The following SHLD1 variants were observed in gnomAD, a reference collection of about 807,000 sequenced individuals.
SHLD1 encodes RINN1-REV7-interacting novel NHEJ regulator 3.
In SHLD1, 3 loss-of-function variants were observed where a neutral mutation model predicts 5.5. The observed-to-expected ratio is 0.54, with a 90% CI of 0.25 to 1.40. The LOEUF is 1.40. Ranked by LOEUF, SHLD1 falls within the 40% of genes most tolerant of loss-of-function variation. SHLD1 has a pLI of 0.15. For missense variants in SHLD1, 210 were observed against 244.4 expected (o/e 0.86, Z 0.94); for synonymous variants, 92 against 94.3 (o/e 0.98, Z 0.14).
At chr20:5,768,304 T>TA (rs201773425) in intron 1 of SHLD1, among the ~76,000 whole-genome samples, 2,440 of 152,288 alleles carry the variant, frequency 0.016, 64 homozygotes, top group African/African-American at 0.055. Context: ...AAACCCCTGA[T>TA]ACGCTGTGGC....
intron 1 of SHLD1, among the ~76,000 whole-genome samples, chr20:5,750,873 T>C (rs1211246131): frequency 6.6e-6 from 1 of 152,114 alleles, no homozygotes; most frequent in Non-Finnish European, 1.5e-5. Context: ...GGCATTCGCC[T>C]GTAGTTCCAG....
chr20:5,807,297 CTTCTT>C (rs1413019723), intron 2 of SHLD1, among the ~76,000 whole-genome samples: 5 of 151,986 alleles, frequency 3.3e-5, no homozygotes, highest in East Asian at 3.9e-4. Flanking sequence ...TTATTTTTTC[CTTCTT>C]TTCTTTTCAT....
At position 5,848,023 on chromosome 20, in the gene SHLD1, G is replaced by A. The variant is rs1254438473; in HGVS notation, c.179-15001G>A. 2.0e-5 allele frequency among the ~76,000 whole-genome samples: 3 copies of A among 152,154 alleles called. No individual in the cohort carries two copies. The East Asian group carries it at 5.8e-4, about 29-fold the overall frequency. On this transcript the variant is annotated intron_variant, in intron 2 of 2. Coordinates refer to ENST00000303142, the MANE Select transcript of SHLD1 (RefSeq NM_152504.4). Reference sequence around the variant, plus strand: ...CAGAAAAGAATGGATGAAAAATAATGTAGCATGTTCCTATATTAGAATACT... The same window carrying A: ...CAGAAAAGAATGGATGAAAAATAATATAGCATGTTCCTATATTAGAATACT...
At chr20:5,803,904 A>G (rs1350908586) in intron 2 of SHLD1, among the ~76,000 whole-genome samples, 1 of 150,334 alleles carries the variant, frequency 6.7e-6, no homozygotes, top group Middle Eastern at 3.2e-3. Context: ...AAAAAAACAA[A>G]ACAAGAATGA....
chr20:5,779,363 A>G (rs1388640960), intron 2 of SHLD1, among the ~76,000 whole-genome samples: 1 of 152,098 alleles, frequency 6.6e-6, no homozygotes, highest in African/African-American at 2.4e-5. Context: ...TAAGTTTCAG[A>G]ATTGTCCAGG....
chr20:5,786,689 G>A (rs1324024543), intron 2 of SHLD1, among the ~76,000 whole-genome samples: 5 of 152,300 alleles, frequency 3.3e-5, no homozygotes, highest in African/African-American at 9.6e-5. Flanking sequence ...AGGAAGGAGC[G>A]CTGCTCAGAG....
At chr20:5,768,236 A>T (rs1042025341) in intron 1 of SHLD1, among the ~76,000 whole-genome samples, 1 of 152,158 alleles carries the variant, frequency 6.6e-6, no homozygotes, top group Admixed American at 6.5e-5. Context: ...GGCCTCCCAA[A>T]GTGCTGGGAT....
At chr20:5,790,723 G>T (rs937216093) in intron 2 of SHLD1, among the ~76,000 whole-genome samples, 3 of 151,764 alleles carry the variant, frequency 2.0e-5, no homozygotes, top group Non-Finnish European at 2.9e-5. Context: ...CAAAGTGCTG[G>T]GATTACAGGT....
intron 2 of SHLD1, among the ~76,000 whole-genome samples, chr20:5,808,367 T>A (rs1324099692): frequency 1.3e-5 from 2 of 152,182 alleles, no homozygotes; most frequent in Non-Finnish European, 2.9e-5. Context: ...CACCTACAGA[T>A]CTATATACAT....
At chr20:5,750,508 T>TGGG (rs1600076697) in intron 1 of SHLD1, 29 bp downstream of exon 1, 5 of 23,272 alleles carry the variant, frequency 2.1e-4, no homozygotes, top group African/African-American at 6.0e-4. Flanking sequence ...GGGGGGGGGT[T>TGGG]GGAGTGGTGG....
chr20:5,806,610 C>A lies in SHLD1; in HGVS notation c.178+33567C>A, dbSNP rs780353005. 2.6e-5 allele frequency among the ~76,000 whole-genome samples: 4 copies of A among 152,204 alleles called. No individual in the cohort carries two copies. Among genetic ancestry groups the A allele is most frequent in the Non-Finnish European group, 5.9e-5 (4 of 68,036 alleles). On this transcript the variant is annotated intron_variant, in intron 2 of 2. Coordinates refer to ENST00000303142, the MANE Select transcript of SHLD1 (RefSeq NM_152504.4). This position sits in a 1 kb window ranked among gnomAD's most constrained non-coding sequence, Gnocchi z 7.6. ...TTGATAGAAGTGGAACAGAGGCCTG[C>A]AGTGTTGTCCCAGGAGCTGTTGAGG...
chr20:5,788,175 T>G (rs1317297118), intron 2 of SHLD1, among the ~76,000 whole-genome samples: 1 of 152,202 alleles, frequency 6.6e-6, no homozygotes, highest in Admixed American at 6.5e-5. Context: ...GTATTCCATA[T>G]TTTAAGTATG....
At chr20:5,771,683 C>T (rs889175021) in intron 1 of SHLD1, among the ~76,000 whole-genome samples, 1 of 151,334 alleles carries the variant, frequency 6.6e-6, no homozygotes, top group African/African-American at 2.4e-5. Context: ...GGTGCAATCT[C>T]GGCTCACTAC....
At chr20:5,780,628 G>C (rs1015186946) in intron 2 of SHLD1, among the ~76,000 whole-genome samples, 2 of 152,178 alleles carry the variant, frequency 1.3e-5, no homozygotes, top group Non-Finnish European at 2.9e-5. Flanking sequence ...CCAGGCTTAG[G>C]CTTAACTTGT....
intron 2 of SHLD1, among the ~76,000 whole-genome samples, chr20:5,817,424 CTCTCTCTCTGTGTG>C (rs1568517299): frequency 1.5e-5 from 2 of 130,238 alleles, no homozygotes; most frequent in South Asian, 2.4e-4. Context: ...CTCTCTCTCT[CTCTCTCTCTGTGTG>C]TGTGTGTGTG....
At chr20:5,773,316 C>G in intron 2 of SHLD1, 1 of 602,154 alleles carries the variant, frequency 1.7e-6, no homozygotes. Flanking sequence ...AAAATGAATT[C>G]AGAAGCAGGG....
At chr20:5,817,428 C>CTGTGTG (rs1174731545) in intron 2 of SHLD1, among the ~76,000 whole-genome samples, 5 of 111,990 alleles carry the variant, frequency 4.5e-5, no homozygotes, top group East Asian at 2.4e-4. Context: ...CTCTCTCTCT[C>CTGTGTG]TCTCTGTGTG....
At chr20:5,844,439 C>A (rs1415336059) in intron 2 of SHLD1, among the ~76,000 whole-genome samples, 1 of 152,130 alleles carries the variant, frequency 6.6e-6, no homozygotes, top group African/African-American at 2.4e-5. Flanking sequence ...TGGTGCAGGT[C>A]CCCCTTAGAG....
chr20:5,846,462 A>T (rs2087934024), intron 2 of SHLD1, among the ~76,000 whole-genome samples: 1 of 152,262 alleles, frequency 6.6e-6, no homozygotes, highest in Admixed American at 6.5e-5. Flanking sequence ...ATGTTGCCAT[A>T]GCAACCAAGA....
Sources: allele counts gnomAD v4.1 joint callset (sites outside exome capture counted in the v4.1 genomes callset), GRCh38; gene constraint gnomAD v4.1.1; non-coding constraint Gnocchi (gnomAD v3.1); transcripts MANE v1.5; gene names NCBI Gene and HGNC (gene_info 2026-07-23, HGNC 2026-07-21).